Variants in STXBP6 observed in about 807,000 individuals in gnomAD.
The protein encoded by STXBP6 is syntaxin binding protein 6, also known as syntaxin-binding protein 6.
Under a neutral mutation model 26.9 loss-of-function variants are expected in STXBP6, and 21 were observed. That is an observed-to-expected ratio of 0.78 (90% CI 0.55 to 1.12). The LOEUF is 1.12. Ranked by LOEUF, STXBP6 falls within the 50% of genes most tolerant of loss-of-function variation. The probability of loss-of-function intolerance (pLI) is 0.00; values close to 1 mark genes in which losing one functional copy is unlikely to be tolerated. For missense variants in STXBP6, 232 were observed against 257.9 expected (o/e 0.90, Z 0.69); for synonymous variants, 97 against 92.6 (o/e 1.05, Z -0.27).
At chr14:24,835,520 A>C (rs1276891030) in intron 4 of STXBP6, among the ~76,000 whole-genome samples, 1 of 152,216 alleles carries the variant, frequency 6.6e-6, no homozygotes, top group African/African-American at 2.4e-5. Context: ...GTATCCTAGA[A>C]GTATGTAATG....
chr14:24,857,120 C>T lies in STXBP6; in HGVS notation c.192G>A (p.Lys64=). The T allele has an allele frequency of 6.2e-7, 1 of 1,613,018 alleles. No homozygotes were observed. The highest frequency in any genetic ancestry group is 8.5e-7 in the Non-Finnish European group (1 of 1,179,236). ...ATGTGGAGCCTTCAAACTGTTTGAC[C>T]TTTGTGATGGACGCCTGTGTGGGTT... ...NKKPTQASIT[K]VKQFEGSTSF... Residue 64 remains lysine, a synonymous_variant, in exon 3 of 6, where the codon AAG becomes AAA. Coordinates refer to ENST00000323944, the MANE Select transcript of STXBP6 (RefSeq NM_001394410.1).
At chr14:24,905,755 G>T (rs1056917206) in intron 2 of STXBP6, among the ~76,000 whole-genome samples, 6 of 152,182 alleles carry the variant, frequency 3.9e-5, no homozygotes, top group Non-Finnish European at 5.9e-5. Context: ...TTATGTGTCA[G>T]TTCCTACCTA....
At chr14:24,890,407 C>T (rs1241626) in intron 2 of STXBP6, among the ~76,000 whole-genome samples, 55,488 of 151,822 alleles carry the variant, frequency 0.37, 10,328 homozygotes, top group East Asian at 0.43. Context: ...AACAAAGTAC[C>T]GAACAACAAC....
chr14:24,901,795 C>A (rs1164611776), intron 2 of STXBP6, among the ~76,000 whole-genome samples: 1 of 107,838 alleles, frequency 9.3e-6, no homozygotes, highest in Non-Finnish European at 2.0e-5. Context: ...CCTATTTGAA[C>A]TTCAAGAACA....
At chr14:25,009,106 G>A (rs967686569) in intron 1 of STXBP6, among the ~76,000 whole-genome samples, 31 of 152,310 alleles carry the variant, frequency 2.0e-4, no homozygotes, top group African/African-American at 7.2e-4. Context: ...TGATAGCTAA[G>A]ATCACTTCTA....
chr14:24,914,937 G>T (rs548233777), intron 2 of STXBP6, among the ~76,000 whole-genome samples: 2 of 152,272 alleles, frequency 1.3e-5, no homozygotes, highest in East Asian at 3.9e-4. Flanking sequence ...CAGGCAGCAG[G>T]ATTGCTGAGA....
chr14:25,014,408 T>C (rs1214274272), intron 1 of STXBP6, among the ~76,000 whole-genome samples: 2 of 152,104 alleles, frequency 1.3e-5, no homozygotes, highest in Non-Finnish European at 2.9e-5. Flanking sequence ...CAGGTTGCAA[T>C]GAGCCAAGAT....
At position 24,905,786 on chromosome 14, in the gene STXBP6, C is replaced by T. The variant is rs948611888; in HGVS notation, c.155-48629G>A. Among the ~76,000 whole-genome samples, 81 of 152,166 alleles carry T rather than the reference C, an allele frequency of 5.3e-4. 1 individual carries two copies. Among genetic ancestry groups the T allele is most frequent in the Non-Finnish European group, 2.2e-4 (15 of 68,012 alleles). On this transcript the variant is annotated intron_variant, in intron 2 of 5. Transcript: ENST00000323944. ...ACCTAAACAAAACCTTCCAGGGATA[C>T]ACAATGTAAGACCAAGATAGGATGT... is the stretch of plus-strand genomic sequence containing the variant.
intron 4 of STXBP6, among the ~76,000 whole-genome samples, chr14:24,845,930 G>A (rs1566404613): frequency 6.6e-6 from 1 of 152,160 alleles, no homozygotes; most frequent in South Asian, 2.1e-4. Flanking sequence ...AGGTGGAAAA[G>A]GCAAGGAAAC....
chr14:24,954,893 G>A (rs967098959), intron 2 of STXBP6, among the ~76,000 whole-genome samples: 1 of 152,180 alleles, frequency 6.6e-6, no homozygotes, highest in Non-Finnish European at 1.5e-5. Flanking sequence ...GGAGGATCTG[G>A]TTTGAATCCC....
rs74037692 is a variant in STXBP6, at chr14:24,898,373, C to T, written c.155-41216G>A. Among the ~76,000 whole-genome samples the T allele has an allele frequency of 1.3e-3, 196 of 152,202 alleles. 1 individual carries two copies. Among genetic ancestry groups the T allele is most frequent in the African/African-American group, 4.5e-3 (186 of 41,508 alleles). ...CTCACTGAACCACATGCTTTTTTAACAGAGTATTGAAACGGGAAGGGATGG... is the reference window on the plus strand; with the variant it reads ...CTCACTGAACCACATGCTTTTTTAATAGAGTATTGAAACGGGAAGGGATGG... On this transcript the variant is annotated intron_variant, in intron 2 of 5. Transcript: ENST00000323944.
intron 2 of STXBP6, among the ~76,000 whole-genome samples, chr14:24,934,374 TA>T (rs1021096541): frequency 1.3e-5 from 2 of 152,146 alleles, no homozygotes; most frequent in Non-Finnish European, 2.9e-5. Flanking sequence ...CAGAAGTCAG[TA>T]AAACAACTAG....
chr14:24,878,055 A>G (rs2070211411), intron 2 of STXBP6, among the ~76,000 whole-genome samples: 1 of 151,706 alleles, frequency 6.6e-6, no homozygotes, highest in African/African-American at 2.4e-5. Flanking sequence ...CTTTTTGCCC[A>G]TTTTTCTATT....
At chr14:24,987,678 C>T (rs1030301839) in intron 1 of STXBP6, among the ~76,000 whole-genome samples, 1 of 152,234 alleles carries the variant, frequency 6.6e-6, no homozygotes, top group Admixed American at 6.5e-5. Flanking sequence ...AATCCCATAT[C>T]ATTTCCATTG....
intron 2 of STXBP6, among the ~76,000 whole-genome samples, chr14:24,962,287 T>TTTTATTTA (rs72330952): frequency 5.5e-4 from 77 of 140,258 alleles, no homozygotes; most frequent in Admixed American, 2.4e-3. Context: ...GTACAAGATA[T>TTTTATTTA]TTTATTTATT....
intron 1 of STXBP6, among the ~76,000 whole-genome samples, chr14:24,980,827 T>C (rs1185301727): frequency 2.6e-5 from 4 of 152,180 alleles, no homozygotes; most frequent in Non-Finnish European, 5.9e-5. Flanking sequence ...AAAAACATTA[T>C]CTGTTCTGCT....
intron 2 of STXBP6, among the ~76,000 whole-genome samples, chr14:24,952,280 G>A (rs2073195417): frequency 6.6e-6 from 1 of 150,572 alleles, no homozygotes. Context: ...TCTGCTTAGG[G>A]GGTAGCCATT....
At chr14:24,845,015 CT>C (rs377626533) in intron 4 of STXBP6, among the ~76,000 whole-genome samples, 469 of 141,690 alleles carry the variant, frequency 3.3e-3, no homozygotes, top group African/African-American at 3.5e-3. Flanking sequence ...TCATCAAAAG[CT>C]TTTTTTTTTT....
intron 1 of STXBP6, among the ~76,000 whole-genome samples, chr14:24,989,097 A>G (rs1479273533): frequency 3.3e-5 from 5 of 152,162 alleles, no homozygotes; most frequent in African/African-American, 1.2e-4. Context: ...AACTGGGAAG[A>G]CCTGGCAACA....
Sources: allele counts gnomAD v4.1 joint callset (sites outside exome capture counted in the v4.1 genomes callset), GRCh38; gene constraint gnomAD v4.1.1; transcripts MANE v1.5; gene names NCBI Gene and HGNC (gene_info 2026-07-23, HGNC 2026-07-21).